The following TRERF1 variants were observed in gnomAD, a reference collection of about 807,000 sequenced individuals.
TRERF1 encodes transcriptional regulating factor 1, also known as transcriptional-regulating factor 1.
In TRERF1, 27 loss-of-function variants were observed where a neutral mutation model predicts 122.9. The ratio of observed to expected loss-of-function variants is 0.22; its 90% confidence interval spans 0.16 to 0.30. The LOEUF (loss-of-function observed/expected upper bound fraction) is 0.30. Ranked by LOEUF, TRERF1 falls within the 10% of genes least tolerant of loss-of-function variation. The probability of loss-of-function intolerance (pLI) is 1.00; values close to 1 mark genes in which losing one functional copy is unlikely to be tolerated. For synonymous variants in TRERF1, 636 were observed against 641.7 expected, an observed-to-expected ratio of 0.99 and a Z score of 0.13; for missense variants, 1,248 against 1,560.3, an observed-to-expected ratio of 0.80 and a Z score of 3.37.
At chr6:42,437,252 A>T (rs922634177) in intron 2 of TRERF1, among the ~76,000 whole-genome samples, 1 of 152,156 alleles carries the variant, frequency 6.6e-6, no homozygotes, top group African/African-American at 2.4e-5. Flanking sequence ...AATCATGTGG[A>T]ATAATTTGGG....
chr6:42,434,965 T>C (rs568144786), intron 2 of TRERF1, among the ~76,000 whole-genome samples: 1 of 152,038 alleles, frequency 6.6e-6, no homozygotes, highest in East Asian at 1.9e-4. Context: ...CCGTCTCAAC[T>C]AAAACTACAA....
chr6:42,335,477 G>A (rs757629170), intron 3 of TRERF1, among the ~76,000 whole-genome samples: 1 of 152,148 alleles, frequency 6.6e-6, no homozygotes, highest in Non-Finnish European at 1.5e-5. Context: ...AGGAAACTGA[G>A]GCACTAAAGA....
At chr6:42,365,580 T>C (rs1004945128) in intron 2 of TRERF1, among the ~76,000 whole-genome samples, 11 of 152,250 alleles carry the variant, frequency 7.2e-5, no homozygotes, top group African/African-American at 2.6e-4. Context: ...CAAGTTAAAA[T>C]CCTCAAACAA....
chr6:42,414,297 G>A (rs773536102), intron 2 of TRERF1, among the ~76,000 whole-genome samples: 4 of 151,878 alleles, frequency 2.6e-5, no homozygotes, highest in Admixed American at 6.6e-5. Flanking sequence ...TTTTTAATGC[G>A]CCATAAAGTG....
intron 2 of TRERF1, among the ~76,000 whole-genome samples, chr6:42,408,210 A>AATATATATATATATATATATATAT (rs34821629): frequency 1.4e-4 from 15 of 107,130 alleles, no homozygotes; most frequent in Admixed American, 3.0e-4. Context: ...TATATAAATA[A>AATATATATATATATATATATATAT]ATATATATAT....
At chr6:42,431,238 TA>T (rs1194497207) in intron 2 of TRERF1, among the ~76,000 whole-genome samples, 4 of 151,984 alleles carry the variant, frequency 2.6e-5, no homozygotes, top group Non-Finnish European at 5.9e-5. Flanking sequence ...AAATACAGGC[TA>T]CTTAACATAT....
intron 3 of TRERF1, among the ~76,000 whole-genome samples, chr6:42,360,228 ATTC>A (rs1024937804): frequency 6.6e-6 from 1 of 152,252 alleles, no homozygotes; most frequent in African/African-American, 2.4e-5. Context: ...AGTAGGTGCT[ATTC>A]TTATTTCCAT....
intron 4 of TRERF1, among the ~76,000 whole-genome samples, chr6:42,293,139 T>C (rs1406942070): frequency 6.6e-6 from 1 of 152,194 alleles, no homozygotes. Context: ...TGGAAGCTCC[T>C]GACTCCCTCA....
At chr6:42,294,083 T>C (rs1219316099) in intron 4 of TRERF1, among the ~76,000 whole-genome samples, 1 of 152,156 alleles carries the variant, frequency 6.6e-6, no homozygotes, top group East Asian at 1.9e-4. Flanking sequence ...GATGTCTGGA[T>C]TGCAGTCTCA....
rs731775 is a variant in TRERF1, at chr6:42,259,119, T to C, written c.2269+220A>G. 0.041 allele frequency among the ~76,000 whole-genome samples: 6,224 copies of C among 152,218 alleles called. 188 individuals are homozygous for C. The highest frequency in any genetic ancestry group is 0.061 in the Non-Finnish European group (4,161 of 68,006). On this transcript the variant is annotated intron_variant, in intron 9 of 17. Transcript: ENST00000372922. This position sits in a 1 kb window ranked among gnomAD's most constrained non-coding sequence, Gnocchi z 4.9. ...AACTGTTTCCTTATCCCAGAGACTG[T>C]AGTGATCACTTTATGCATCTGTCTC...
chr6:42,437,648 G>A (rs1785699923), intron 2 of TRERF1, among the ~76,000 whole-genome samples: 2 of 152,056 alleles, frequency 1.3e-5, no homozygotes, highest in African/African-American at 4.8e-5. Flanking sequence ...GTCTGGTAAG[G>A]CGAAATGGGA....
intron 2 of TRERF1, among the ~76,000 whole-genome samples, chr6:42,422,184 G>GAAAGA (rs1360758144): frequency 1.3e-5 from 2 of 150,892 alleles, no homozygotes; most frequent in African/African-American, 4.9e-5. Flanking sequence ...TAAAAAAAAA[G>GAAAGA]AAAGAAAAGA....
At chr6:42,231,083 A>G (rs1770456793) in intron 17 of TRERF1, among the ~76,000 whole-genome samples, 1 of 152,220 alleles carries the variant, frequency 6.6e-6, no homozygotes, top group Non-Finnish European at 1.5e-5. Context: ...TGAATCCCTA[A>G]TGCAGCTATG....
At chr6:42,421,114 TC>T (rs1782696792) in intron 2 of TRERF1, among the ~76,000 whole-genome samples, 1 of 152,206 alleles carries the variant, frequency 6.6e-6, no homozygotes, top group African/African-American at 2.4e-5. Context: ...TTGAATTTCC[TC>T]ATCTCTGTAA....
intron 3 of TRERF1, among the ~76,000 whole-genome samples, chr6:42,324,439 A>G (rs1763949953): frequency 6.6e-6 from 1 of 152,246 alleles, no homozygotes; most frequent in South Asian, 2.1e-4. Flanking sequence ...AAGCCCAAAT[A>G]GCCAAAGCAA....
rs1554193491 is a variant in TRERF1 at position 42,374,150 on chromosome 6, A to AAGAAGAAGAAGAAGAAG, written c.-453-11072_-453-11071insCTTCTTCTTCTTCTTCT. ...CTGTCTTTTTTTTAAAAAAAAAAAA[A>AAGAAGAAGAAGAAGAAG]AAGAAGAAGAAGAAGAAGAAGAAGA... On this transcript the variant is annotated intron_variant, in intron 2 of 17. Coordinates refer to ENST00000372922, the Ensembl canonical transcript of TRERF1. Among the ~76,000 whole-genome samples the AAGAAGAAGAAGAAGAAG allele has an allele frequency of 2.6e-3, 378 of 144,012 alleles. 3 individuals are homozygous for AAGAAGAAGAAGAAGAAG. The highest frequency in any genetic ancestry group is 8.2e-3 in the African/African-American group (317 of 38,660). The allele number at this position is 144,012 out of a possible 152,430, so 94.5% of individuals were successfully genotyped here.
chr6:42,442,651 G>A (rs1786734371), intron 2 of TRERF1, among the ~76,000 whole-genome samples: 1 of 152,212 alleles, frequency 6.6e-6, no homozygotes, highest in South Asian at 2.1e-4. Context: ...AACAATTTAA[G>A]TTTTCAAAAA....
exon 7 of TRERF1, chr6:42,264,718 G>C (rs570575022): frequency 8.1e-6 from 13 of 1,614,090 alleles, no homozygotes; most frequent in African/African-American, 1.3e-5. Context: ...TTGAGGTTGG[G>C]GGAGGCCCTC....
intron 13 of TRERF1, among the ~76,000 whole-genome samples, chr6:42,248,265 C>T (rs182038966): frequency 2.6e-5 from 4 of 152,350 alleles, no homozygotes; most frequent in Admixed American, 2.6e-4. Context: ...TGGCTCCAGA[C>T]TCAGAATATG....
Sources: allele counts gnomAD v4.1 joint callset (sites outside exome capture counted in the v4.1 genomes callset), GRCh38; gene constraint gnomAD v4.1.1; non-coding constraint Gnocchi (gnomAD v3.1); transcripts MANE v1.5; gene names NCBI Gene and HGNC (gene_info 2026-07-23, HGNC 2026-07-21).